The following PIRT variants were observed in gnomAD, a reference collection of about 807,000 sequenced individuals.
PIRT encodes the protein phosphoinositide interacting regulator of transient receptor potential channels, also known as phosphoinositide-interacting protein.
Under a neutral mutation model 7.9 loss-of-function variants are expected in PIRT, and 6 were observed. That is an observed-to-expected ratio of 0.76 (90% CI 0.42 to 1.51). PIRT has a LOEUF of 1.51. Ranked by LOEUF, PIRT falls within the 40% of genes most tolerant of loss-of-function variation. PIRT has a pLI of 0.01. For missense variants in PIRT, 170 were observed against 172.9 expected, an observed-to-expected ratio of 0.98 and a Z score of 0.09; for synonymous variants, 78 against 71.8, an observed-to-expected ratio of 1.09 and a Z score of -0.44.
At chr17:10,826,266 C>T (rs1905311981) in intron 1 of PIRT, among the ~76,000 whole-genome samples, 3 of 152,170 alleles carry the variant, frequency 2.0e-5, no homozygotes, top group African/African-American at 7.2e-5. Context: ...ACCCGGCCAG[C>T]TATATTTTGT....
chr17:10,823,930 A>G lies in PIRT; in HGVS notation c.*1302T>C, dbSNP rs933998733. 6.6e-6 allele frequency: 1 copy of G among 152,216 alleles called. No homozygotes were observed. The highest frequency in any genetic ancestry group is 6.5e-5 in the Admixed American group (1 of 15,278). 9.4% of individuals were successfully genotyped at this position (152,216 alleles called of 1,614,324 possible). ...GGCCGTGCAGTTTCCTAATTCCATC[A>G]TGCTTCTCCTTCCCCAAGCTACTCC... On this transcript the variant is annotated 3_prime_UTR_variant, in exon 2 of 2. Transcript: ENST00000580256.
At chr17:10,835,697 A>C (rs189228220) in intron 1 of PIRT, among the ~76,000 whole-genome samples, 1 of 152,246 alleles carries the variant, frequency 6.6e-6, no homozygotes, top group African/African-American at 2.4e-5. Flanking sequence ...AGCAAGCAGC[A>C]AGAGGCCAGC....
chr17:10,837,024 G>T (rs912612265), intron 1 of PIRT, among the ~76,000 whole-genome samples: 1 of 152,182 alleles, frequency 6.6e-6, no homozygotes, highest in Non-Finnish European at 1.5e-5. Context: ...TAAGGTGAGT[G>T]GGGGCCAAGT....
chr17:10,825,382 G>A lies in PIRT; in HGVS notation c.264C>T (p.Ile88=). The change falls in exon 2 of 2, where the codon ATC becomes ATT. Residue 88 remains isoleucine, a synonymous_variant. Transcript: ENST00000580256. Reference sequence around the variant, plus strand: ...GGAAGCCAGGCCCTACCATTTTGAGGATGGAGAGACTCTTGTCACTCAGCT... The same window carrying A: ...GGAAGCCAGGCCCTACCATTTTGAGAATGGAGAGACTCTTGTCACTCAGCT... ...TLKLSDKSLS[I]LKMVGPGFLS... 1.2e-6 allele frequency: 2 copies of A among 1,613,988 alleles called. No individual in the cohort carries two copies. Among genetic ancestry groups the A allele is most frequent in the Non-Finnish European group, 1.7e-6 (2 of 1,179,890 alleles).
At position 10,825,792 on chromosome 17, in the gene PIRT, A is replaced by G; in HGVS notation, c.-138-9T>C. ...TGAACAAGGTTTTTGTGCTGAAGCC[A>G]AAAAAGAAAATGAAATGAAATTCAC... On this transcript the variant is annotated splice_polypyrimidine_tract_variant and intron_variant, in intron 1 of 1. Transcript: ENST00000580256. 2 of 718,556 alleles carry G rather than the reference A, an allele frequency of 2.8e-6. No individual in the cohort carries two copies. The highest frequency in any genetic ancestry group is 4.0e-6 in the Non-Finnish European group (2 of 502,116). The allele number at this position is 718,556 out of a possible 1,614,324, so 44.5% of individuals were successfully genotyped here.
At position 10,824,152 on chromosome 17, in the gene PIRT, C is replaced by T. The variant is rs986773554; in HGVS notation, c.*1080G>A. On this transcript the variant is annotated 3_prime_UTR_variant, in exon 2 of 2. Transcript: ENST00000580256. ...CCAGTTGGCTTGGCTGCCTCTCTCA[C>T]CTCGGGAAGCAAGAAGACATCAGGG... The T allele has an allele frequency of 1.3e-5, 2 of 152,282 alleles. No individual in the cohort carries two copies. The highest frequency in any genetic ancestry group is 1.3e-4 in the Admixed American group (2 of 15,288). 9.4% of individuals were successfully genotyped at this position (152,282 alleles called of 1,614,324 possible).
At position 10,824,355 on chromosome 17, in the gene PIRT, T is replaced by A. The variant is rs919853450; in HGVS notation, c.*877A>T. On this transcript the variant is annotated 3_prime_UTR_variant, in exon 2 of 2. Transcript: ENST00000580256. ...TTGATTCTCTCAATTTTGATCTTGA[T>A]GGACGTGAAAGGGAAAACAACCTTA... 1 of 152,212 alleles carries A rather than the reference T, an allele frequency of 6.6e-6. No homozygotes were observed. The highest frequency in any genetic ancestry group is 1.5e-5 in the Non-Finnish European group (1 of 68,042). The allele number at this position is 152,212 out of a possible 1,614,324, so 9.4% of individuals were successfully genotyped here.
intron 1 of PIRT, among the ~76,000 whole-genome samples, chr17:10,832,395 G>A (rs1040142014): frequency 1.3e-5 from 2 of 152,126 alleles, no homozygotes; most frequent in Admixed American, 6.5e-5. Flanking sequence ...GTTTCTCTAT[G>A]TTGGTCAGGC....
rs574869710 is a variant in PIRT, at chr17:10,830,394, A to G, written c.-138-4611T>C. On this transcript the variant is annotated intron_variant, in intron 1 of 1. Transcript: ENST00000580256. The stretch of plus-strand genomic sequence containing the variant: ...GGTCTTTGGCATCAGAGTGACCACA[A>G]TTTGAACACAGTTTGCCACTTACAT... Among the ~76,000 whole-genome samples, 35 of 152,308 alleles carry G rather than the reference A, an allele frequency of 2.3e-4. No individual in the cohort carries two copies. In the South Asian group the frequency reaches 6.4e-3, roughly 28 times the overall value.
chr17:10,833,741 G>A (rs961857227), intron 1 of PIRT, among the ~76,000 whole-genome samples: 5 of 150,164 alleles, frequency 3.3e-5, no homozygotes, highest in African/African-American at 1.3e-4. Flanking sequence ...GCAATGGGGC[G>A]AGATTCCATC....
At chr17:10,833,541 T>A (rs997869722) in intron 1 of PIRT, among the ~76,000 whole-genome samples, 1 of 152,046 alleles carries the variant, frequency 6.6e-6, no homozygotes, top group African/African-American at 2.4e-5. Context: ...TCACTTGAGG[T>A]CAGGAGTTCG....
chr17:10,832,860 A>T (rs1241545347), intron 1 of PIRT, among the ~76,000 whole-genome samples: 1 of 152,192 alleles, frequency 6.6e-6, no homozygotes, highest in Non-Finnish European at 1.5e-5. Context: ...CTAAGGTCAA[A>T]TCAACTGCAT....
In PIRT at chr17:10,830,429, C is replaced by T. The variant is rs1249942018; in HGVS notation, c.-138-4646G>A. On this transcript the variant is annotated intron_variant, in intron 1 of 1. Coordinates refer to ENST00000580256, the MANE Select transcript of PIRT (RefSeq NM_001101387.2). ...AGTTTGCCACTTACATGCTGTGGGA[C>T]CTCGGTCAGGTTACTTCAGCCCCTG... 5.9e-5 allele frequency among the ~76,000 whole-genome samples: 9 copies of T among 152,286 alleles called. No individual in the cohort carries two copies. In the South Asian group the frequency reaches 1.9e-3, roughly 32 times the overall value.
chr17:10,825,736 A>G lies in PIRT; in HGVS notation c.-91T>C. 6 of 1,289,398 alleles carry G rather than the reference A, an allele frequency of 4.7e-6. 1 individual carries two copies. In the South Asian group the frequency reaches 1.1e-4, roughly 24 times the overall value. The allele number at this position is 1,289,398 out of a possible 1,614,324, so 79.9% of individuals were successfully genotyped here. On this transcript the variant is annotated 5_prime_UTR_variant, in exon 2 of 2. It removes an upstream start codon present in the reference 5' UTR. Coordinates refer to ENST00000580256, the MANE Select transcript of PIRT (RefSeq NM_001101387.2). Reference sequence around the variant, plus strand: ...CTCACACACCCTTCCTGTACTCAGCATCCATCTCTAGCCCCGCTCTCAGTG... The same window carrying G: ...CTCACACACCCTTCCTGTACTCAGCGTCCATCTCTAGCCCCGCTCTCAGTG...
intron 1 of PIRT, among the ~76,000 whole-genome samples, chr17:10,831,804 C>G (rs995866662): frequency 2.0e-5 from 3 of 152,202 alleles, no homozygotes; most frequent in African/African-American, 7.2e-5. Flanking sequence ...TATGGAGGAG[C>G]AGGAGAAGCC....
Position 10,825,086 on chromosome 17 carries a change from G to A in PIRT, c.*146C>T, listed in dbSNP as rs887168385. The stretch of plus-strand genomic sequence containing the variant: ...CATTCCCGGCTGCATGGAGGGTGGA[G>A]CCCCAAGCTCTATCTTCCCCACAGG... On this transcript the variant is annotated 3_prime_UTR_variant, in exon 2 of 2. Transcript: ENST00000580256. The A allele has an allele frequency of 3.8e-5, 40 of 1,059,064 alleles. 1 individual carries two copies. The highest frequency in any genetic ancestry group is 2.6e-4 in the Middle Eastern group (1 of 3,810). 65.6% of individuals were successfully genotyped at this position (1,059,064 alleles called of 1,614,324 possible).
intron 1 of PIRT, among the ~76,000 whole-genome samples, chr17:10,834,251 G>T (rs1221915954): frequency 1.3e-5 from 2 of 152,208 alleles, no homozygotes; most frequent in Non-Finnish European, 2.9e-5. Flanking sequence ...ATAAATGGTT[G>T]TATAATCACA....
In PIRT at chr17:10,825,572, C is replaced by T; in HGVS notation, c.74G>A (p.Ser25Asn). ...GATGCACAGGGAGCTGGCGGTCTGGCTGGGCAGCAGGTCCTTGGCTTCTGG... is the reference window on the plus strand; with the variant it reads ...GATGCACAGGGAGCTGGCGGTCTGGTTGGGCAGCAGGTCCTTGGCTTCTGG... ...KSPEAKDLLPSQTASSLCISS... is the reference protein window; with the variant it reads ...KSPEAKDLLPNQTASSLCISS... Residue 25 changes from serine to asparagine, a missense_variant, in exon 2 of 2, where the codon AGC (serine) becomes AAC (asparagine). Ser to Asn is a conservative substitution (Grantham distance 46). Coordinates refer to ENST00000580256, the MANE Select transcript of PIRT (RefSeq NM_001101387.2). The T allele has an allele frequency of 6.3e-7, 1 of 1,586,464 alleles. No homozygotes were observed. Among genetic ancestry groups the T allele is most frequent in the South Asian group, 1.1e-5 (1 of 87,112 alleles).
At chr17:10,825,970 G>GTT (rs917339541) in intron 1 of PIRT, among the ~76,000 whole-genome samples, 187 bp from the exon 2 acceptor site, 1 of 145,528 alleles carries the variant, frequency 6.9e-6, no homozygotes. Context: ...TTGTTTGCTT[G>GTT]TTTTTTTTTT....
Sources: gnomAD v4.1 joint callset for allele counts (sites outside exome capture counted in the v4.1 genomes callset) on GRCh38, gnomAD v4.1.1 for gene constraint, MANE v1.5 for transcripts, NCBI Gene and HGNC (gene_info 2026-07-23, HGNC 2026-07-21) for gene names.